Variants in PLCB1 observed in about 807,000 individuals in gnomAD.
The protein encoded by PLCB1 is 1-phosphatidylinositol 4,5-bisphosphate phosphodiesterase beta-1.
A neutral mutation model predicts 161.8 loss-of-function variants in PLCB1; 46 were observed. That is an observed-to-expected ratio of 0.28 (90% CI 0.22 to 0.36). PLCB1 has a LOEUF of 0.36. Ranked by LOEUF, PLCB1 falls within the 10% of genes least tolerant of loss-of-function variation. PLCB1 has a pLI of 1.00. For synonymous variants in PLCB1, 517 were observed against 503.7 expected (o/e 1.03, Z -0.35); for missense variants, 1,016 against 1,472.5 (o/e 0.69, Z 5.07).
At chr20:8,354,894 A>C (rs1466420611) in intron 2 of PLCB1, among the ~76,000 whole-genome samples, 2 of 152,234 alleles carry the variant, frequency 1.3e-5, no homozygotes, top group East Asian at 3.8e-4. Context: ...GAATTTTTTC[A>C]GTAAGGCTGT....
intron 3 of PLCB1, among the ~76,000 whole-genome samples, chr20:8,429,719 A>G (rs1979953255): frequency 6.6e-6 from 1 of 152,058 alleles, no homozygotes; most frequent in Admixed American, 6.5e-5. Flanking sequence ...AAGATATTTA[A>G]ATGAAGTTTG....
chr20:8,250,771 C>A lies in PLCB1; in HGVS notation c.177+100400C>A, dbSNP rs553639948. Among the ~76,000 whole-genome samples the A allele has an allele frequency of 5.3e-5, 8 of 152,098 alleles. No homozygotes were observed. The South Asian group carries it at 1.7e-3, about 32-fold the overall frequency. On this transcript the variant is annotated intron_variant, in intron 2 of 31. Transcript: ENST00000338037. ...GGGCAAGAGCCATGATGCATTTCAT[C>A]TTACTTTGAGGCTGTCGGTCTACAA... is the stretch of plus-strand genomic sequence containing the variant.
chr20:8,312,655 A>AG (rs1353128261), intron 2 of PLCB1, among the ~76,000 whole-genome samples: 3 of 152,190 alleles, frequency 2.0e-5, no homozygotes, highest in Non-Finnish European at 4.4e-5. Context: ...AACAAGGCAA[A>AG]GCATGTTTAT....
intron 31 of PLCB1, among the ~76,000 whole-genome samples, chr20:8,845,550 A>G (rs1986661524): frequency 6.6e-6 from 1 of 152,320 alleles, no homozygotes; most frequent in East Asian, 1.9e-4. Context: ...TGGTTACCCT[A>G]TGGGATAGCA....
intron 2 of PLCB1, among the ~76,000 whole-genome samples, chr20:8,257,244 G>A (rs1291472604): frequency 6.6e-6 from 1 of 152,076 alleles, no homozygotes; most frequent in African/African-American, 2.4e-5. Context: ...TCTCCTTAGA[G>A]TAGTTTCATC....
chr20:8,272,626 A>G (rs571976478), intron 2 of PLCB1, among the ~76,000 whole-genome samples: 23 of 151,964 alleles, frequency 1.5e-4, no homozygotes, highest in Non-Finnish European at 3.2e-4. Context: ...AGAAAACTAC[A>G]CTCCAAACCA....
At chr20:8,165,014 T>G (rs2051661528) in intron 2 of PLCB1, among the ~76,000 whole-genome samples, 1 of 152,308 alleles carries the variant, frequency 6.6e-6, no homozygotes, top group Admixed American at 6.5e-5. Context: ...GCCCATAAAC[T>G]TGAAAGAGAA....
chr20:8,299,005 G>T (rs1200375564), intron 2 of PLCB1, among the ~76,000 whole-genome samples: 1 of 32,820 alleles, frequency 3.0e-5, no homozygotes, highest in Admixed American at 3.2e-4. Flanking sequence ...CTTATAGGTA[G>T]GTAGATAGAC....
intron 2 of PLCB1, among the ~76,000 whole-genome samples, chr20:8,211,842 CTATAAA>C (rs1157040585): frequency 6.6e-6 from 1 of 152,052 alleles, no homozygotes; most frequent in Non-Finnish European, 1.5e-5. Flanking sequence ...AGTTCATTAT[CTATAAA>C]TCTTTCCTGG....
At chr20:8,243,094 T>A (rs1980703635) in intron 2 of PLCB1, among the ~76,000 whole-genome samples, 1 of 151,936 alleles carries the variant, frequency 6.6e-6, no homozygotes, top group South Asian at 2.1e-4. Flanking sequence ...GGTGGCTAGG[T>A]CATATTATCA....
intron 4 of PLCB1, among the ~76,000 whole-genome samples, chr20:8,639,252 G>A (rs1988865612): frequency 6.6e-6 from 1 of 152,178 alleles, no homozygotes; most frequent in African/African-American, 2.4e-5. Flanking sequence ...TGGAGTTACT[G>A]GGACTACGTG....
chr20:8,368,158 T>C (rs894285810), intron 2 of PLCB1, among the ~76,000 whole-genome samples: 1 of 152,228 alleles, frequency 6.6e-6, no homozygotes, highest in Non-Finnish European at 1.5e-5. Flanking sequence ...TAATTCAATT[T>C]GGGCTTTGCG....
At chr20:8,562,648 C>A (rs1441037785) in intron 3 of PLCB1, among the ~76,000 whole-genome samples, 4 of 152,028 alleles carry the variant, frequency 2.6e-5, no homozygotes, top group Non-Finnish European at 5.9e-5. Flanking sequence ...CCTCTGTGGA[C>A]TTAAAATTGC....
intron 31 of PLCB1, among the ~76,000 whole-genome samples, chr20:8,824,737 C>T (rs993314566): frequency 6.6e-6 from 1 of 151,814 alleles, no homozygotes; most frequent in Non-Finnish European, 1.5e-5. Flanking sequence ...GTTTTGGTCT[C>T]AGAAGGAACC....
At chr20:8,390,789 G>C (rs1479301038) in intron 3 of PLCB1, among the ~76,000 whole-genome samples, 1 of 152,026 alleles carries the variant, frequency 6.6e-6, no homozygotes, top group Non-Finnish European at 1.5e-5. Context: ...TAAGAGTATA[G>C]TTATTAAGGT....
chr20:8,734,471 G>T (rs1980477721), intron 19 of PLCB1, among the ~76,000 whole-genome samples: 1 of 151,570 alleles, frequency 6.6e-6, no homozygotes, highest in African/African-American at 2.4e-5. Context: ...AGTATTCAGA[G>T]ATTTTAAAAC....
intron 2 of PLCB1, among the ~76,000 whole-genome samples, chr20:8,224,733 C>T (rs1467736851): frequency 1.3e-5 from 2 of 152,068 alleles, no homozygotes; most frequent in Non-Finnish European, 2.9e-5. Context: ...AGAAATAAGA[C>T]ATTTCTGGCA....
chr20:8,632,035 CTTTTTTTTTT>C lies in PLCB1; in HGVS notation c.384+3627_384+3636del, dbSNP rs34028351. Among the ~76,000 whole-genome samples the C allele has an allele frequency of 3.6e-3, 164 of 45,888 alleles. No homozygotes were observed. The South Asian group carries it at 0.036, about 10-fold the overall frequency. The allele number at this position is 45,888 out of a possible 152,430, so 30.1% of individuals were successfully genotyped here. ...AGGAGACAAATATGGGTTTTTTTTG[CTTTTTTTTTT>C]TTTTTTTTTTTTTTTTTTTTTTGCC... On this transcript the variant is annotated intron_variant, in intron 4 of 31. Transcript: ENST00000338037.
intron 19 of PLCB1, among the ~76,000 whole-genome samples, chr20:8,734,456 T>G (rs1416789339): frequency 4.6e-5 from 7 of 151,836 alleles, no homozygotes; most frequent in African/African-American, 1.4e-4. Context: ...TTGAAAATCT[T>G]CCAGAGTATT....
Sources: gnomAD v4.1 joint callset for allele counts (sites outside exome capture counted in the v4.1 genomes callset) on GRCh38, gnomAD v4.1.1 for gene constraint, MANE v1.5 for transcripts, NCBI Gene and HGNC (gene_info 2026-07-23, HGNC 2026-07-21) for gene names.